The following ZNF804B variants were observed in gnomAD, a reference collection of about 807,000 sequenced individuals.
ZNF804B encodes the protein zinc finger 804B.
In ZNF804B, 80 loss-of-function variants were observed where a neutral mutation model predicts 101.4. The observed-to-expected ratio is 0.79, with a 90% CI of 0.66 to 0.95. ZNF804B has a LOEUF of 0.95. ZNF804B is among the 40% of genes least tolerant of loss of function. ZNF804B has a pLI of 0.00. For synonymous variants in ZNF804B, 622 were observed against 558.8 expected, an observed-to-expected ratio of 1.11 and a Z score of -1.59; for missense variants, 1,673 against 1,561.9, an observed-to-expected ratio of 1.07 and a Z score of -1.20.
chr7:89,028,230 C>G (rs561918027), intron 1 of ZNF804B, among the ~76,000 whole-genome samples: 1 of 152,106 alleles, frequency 6.6e-6, no homozygotes, highest in South Asian at 2.1e-4. Flanking sequence ...AATCTTAACC[C>G]AATATTGGCA....
At chr7:89,323,839 C>T (rs555291459) in intron 2 of ZNF804B, among the ~76,000 whole-genome samples, 94 of 152,206 alleles carry the variant, frequency 6.2e-4, no homozygotes, top group African/African-American at 2.1e-3. Context: ...TGATTCATTA[C>T]ACACCCTCAA....
intron 1 of ZNF804B, among the ~76,000 whole-genome samples, chr7:89,192,162 C>T (rs566342513): frequency 3.3e-5 from 5 of 152,088 alleles, no homozygotes; most frequent in African/African-American, 9.6e-5. Flanking sequence ...ACAGTTTAAC[C>T]AGTTGTGACA....
At chr7:88,995,984 T>C (rs745761872) in intron 1 of ZNF804B, among the ~76,000 whole-genome samples, 1 of 151,996 alleles carries the variant, frequency 6.6e-6, no homozygotes, top group African/African-American at 2.4e-5. Context: ...TCTGAGAAAT[T>C]GTCAGACCTT....
At chr7:88,904,791 G>A (rs181671030) in intron 1 of ZNF804B, among the ~76,000 whole-genome samples, 5 of 152,188 alleles carry the variant, frequency 3.3e-5, no homozygotes, top group Admixed American at 6.5e-5. Context: ...ATTTTTATAC[G>A]TTGATTTTGT....
chr7:89,012,510 A>G (rs547128265), intron 1 of ZNF804B, among the ~76,000 whole-genome samples: 3 of 152,194 alleles, frequency 2.0e-5, no homozygotes, highest in Non-Finnish European at 4.4e-5. Flanking sequence ...TCAAAATTCC[A>G]TAAATCTCTA....
chr7:88,836,689 T>C (rs1344979558), intron 1 of ZNF804B, among the ~76,000 whole-genome samples: 1 of 151,982 alleles, frequency 6.6e-6, no homozygotes, highest in Non-Finnish European at 1.5e-5. Flanking sequence ...TGAGGGTCTC[T>C]ATGCAGATTT....
intron 2 of ZNF804B, among the ~76,000 whole-genome samples, chr7:89,317,122 A>T (rs1341097158): frequency 6.6e-6 from 1 of 152,208 alleles, no homozygotes; most frequent in African/African-American, 2.4e-5. Flanking sequence ...GAGCCAAAAG[A>T]AGTCTTCTTA....
chr7:89,083,581 T>C (rs532811341), intron 1 of ZNF804B, among the ~76,000 whole-genome samples: 11 of 151,868 alleles, frequency 7.2e-5, no homozygotes, highest in Non-Finnish European at 1.2e-4. Context: ...TTTATATGTC[T>C]GAATAATACT....
intron 1 of ZNF804B, among the ~76,000 whole-genome samples, chr7:88,960,422 G>A (rs1416403305): frequency 2.0e-5 from 3 of 151,236 alleles, no homozygotes; most frequent in Non-Finnish European, 4.4e-5. Context: ...GCGGGAGTGG[G>A]GGATGGTGCT....
chr7:89,173,024 G>A (rs1177802368), intron 1 of ZNF804B, among the ~76,000 whole-genome samples: 1 of 152,084 alleles, frequency 6.6e-6, no homozygotes, highest in African/African-American at 2.4e-5. Flanking sequence ...TCAAGGCAAT[G>A]ATTACAATTT....
chr7:89,226,348 C>T (rs1407921291), intron 2 of ZNF804B, among the ~76,000 whole-genome samples: 3 of 151,950 alleles, frequency 2.0e-5, no homozygotes, highest in Admixed American at 1.3e-4. Context: ...ACAATCTAAA[C>T]ATACAATGAA....
intron 1 of ZNF804B, among the ~76,000 whole-genome samples, chr7:88,918,696 A>G (rs2115992161): frequency 6.6e-6 from 1 of 152,242 alleles, no homozygotes; most frequent in Non-Finnish European, 1.5e-5. Context: ...CACATATTGG[A>G]AAACCAAGAT....
intron 1 of ZNF804B, among the ~76,000 whole-genome samples, chr7:89,138,732 C>T (rs1790673224): frequency 6.6e-6 from 1 of 151,990 alleles, no homozygotes; most frequent in Admixed American, 6.6e-5. Context: ...GGAGGTCTTT[C>T]CCGTGCTGTT....
At chr7:89,319,499 C>A (rs1790785922) in intron 2 of ZNF804B, among the ~76,000 whole-genome samples, 1 of 152,196 alleles carries the variant, frequency 6.6e-6, no homozygotes, top group African/African-American at 2.4e-5. Flanking sequence ...CAGCTGTCTG[C>A]CGCTGGTAGA....
intron 1 of ZNF804B, among the ~76,000 whole-genome samples, chr7:89,020,251 T>A (rs1004328997): frequency 1.3e-5 from 2 of 152,178 alleles, no homozygotes; most frequent in African/African-American, 4.8e-5. Context: ...AATCTAGTGA[T>A]GATAAATTCT....
chr7:88,846,833 A>G (rs1791379753), intron 1 of ZNF804B, among the ~76,000 whole-genome samples: 1 of 151,996 alleles, frequency 6.6e-6, no homozygotes, highest in Non-Finnish European at 1.5e-5. Flanking sequence ...ATATGTGTGT[A>G]TATATATGTT....
chr7:88,800,327 C>G (rs1029727664), intron 1 of ZNF804B, among the ~76,000 whole-genome samples: 1 of 152,106 alleles, frequency 6.6e-6, no homozygotes, highest in Non-Finnish European at 1.5e-5. Flanking sequence ...GGCATTGACT[C>G]TCTTCACCAA....
At chr7:89,321,361 C>A (rs1178759354) in intron 2 of ZNF804B, among the ~76,000 whole-genome samples, 1 of 152,006 alleles carries the variant, frequency 6.6e-6, no homozygotes, top group Admixed American at 6.6e-5. Context: ...TGCCTGTAGT[C>A]CCAGCTACTC....
At chr7:89,103,077 T>G (rs1300517192) in intron 1 of ZNF804B, among the ~76,000 whole-genome samples, 2 of 96,724 alleles carry the variant, frequency 2.1e-5, no homozygotes, top group African/African-American at 7.5e-5. Context: ...TTTTTTTTTT[T>G]TTTTTTACCA....
Sources: gnomAD v4.1 joint callset for allele counts (sites outside exome capture counted in the v4.1 genomes callset) on GRCh38, gnomAD v4.1.1 for gene constraint, MANE v1.5 for transcripts, NCBI Gene and HGNC (gene_info 2026-07-23, HGNC 2026-07-21) for gene names.